DGKB: variants seen among roughly 807,000 people sequenced by gnomAD.
DGKB encodes diacylglycerol kinase beta.
Under a neutral mutation model 114.3 loss-of-function variants are expected in DGKB, and 67 were observed. The ratio of observed to expected loss-of-function variants is 0.59; its 90% CI spans 0.48 to 0.72. The LOEUF (loss-of-function observed/expected upper bound fraction) is 0.72, where lower values mean the gene tolerates loss of function less well. Among genes scored for constraint, DGKB ranks in the 30% least tolerant of loss-of-function variants. The pLI, the probability that DGKB is intolerant of heterozygous loss-of-function variation, is 0.00. For missense variants in DGKB, 907 were observed against 975.2 expected (o/e 0.93, Z 0.93); for synonymous variants, 398 against 323.1 (o/e 1.23, Z -2.49).
At chr7:14,214,522 G>C (rs991278915) in intron 23 of DGKB, among the ~76,000 whole-genome samples, 1 of 151,956 alleles carries the variant, frequency 6.6e-6, no homozygotes, top group East Asian at 1.9e-4. Context: ...ACTTATTTCT[G>C]GATAAGGGGA....
At chr7:14,740,014 C>T (rs1465110112) in intron 4 of DGKB, among the ~76,000 whole-genome samples, 1 of 152,214 alleles carries the variant, frequency 6.6e-6, no homozygotes, top group African/African-American at 2.4e-5. Flanking sequence ...AACAGCCATG[C>T]AGGGCGGGAC....
intron 20 of DGKB, among the ~76,000 whole-genome samples, chr7:14,563,519 C>T (rs941619970): frequency 1.3e-5 from 2 of 151,858 alleles, no homozygotes; most frequent in African/African-American, 4.8e-5. Flanking sequence ...CTATTTGGTA[C>T]CTTTTAATAT....
chr7:14,204,839 C>T (rs1786494956), intron 23 of DGKB, among the ~76,000 whole-genome samples: 1 of 151,986 alleles, frequency 6.6e-6, no homozygotes, highest in Admixed American at 6.6e-5. Context: ...AAATGTATTA[C>T]TATAAATTGT....
chr7:14,935,107 C>A (rs936990072), intron 1 of DGKB, among the ~76,000 whole-genome samples: 1 of 152,134 alleles, frequency 6.6e-6, no homozygotes, highest in Non-Finnish European at 1.5e-5. Context: ...GGGCCTGTCT[C>A]TTTATGTGTT....
At chr7:14,170,247 A>G (rs1379285206) in intron 25 of DGKB, among the ~76,000 whole-genome samples, 1 of 152,116 alleles carries the variant, frequency 6.6e-6, no homozygotes, top group Non-Finnish European at 1.5e-5. Context: ...GCAGCAAAGC[A>G]TCATAATTAA....
At chr7:14,619,857 C>T (rs1404981099) in intron 15 of DGKB, among the ~76,000 whole-genome samples, 1 of 151,554 alleles carries the variant, frequency 6.6e-6, no homozygotes. Context: ...CATCATAATG[C>T]TTAAGCTATC....
chr7:14,687,529 C>T (rs895861369), intron 9 of DGKB, among the ~76,000 whole-genome samples: 1 of 152,054 alleles, frequency 6.6e-6, no homozygotes, highest in African/African-American at 2.4e-5. Flanking sequence ...ATATATTTAA[C>T]TTTGCTATAT....
chr7:14,920,970 G>A (rs569443257), intron 1 of DGKB, among the ~76,000 whole-genome samples: 25 of 151,806 alleles, frequency 1.6e-4, no homozygotes, highest in African/African-American at 4.8e-4. Context: ...CCCACTCTAG[G>A]TTCAGGGACA....
rs1201049337 is a variant in DGKB, at chr7:14,177,940, G to T, written c.2243+91C>A. 6 of 1,328,770 alleles carry T rather than the reference G, an allele frequency of 4.5e-6. No individual in the cohort carries two copies. In the Admixed American group the frequency reaches 1.3e-4, roughly 30 times the overall value. 82.3% of individuals were successfully genotyped at this position (1,328,770 alleles called of 1,614,324 possible). On this transcript the variant is annotated intron_variant, in intron 24 of 25. Transcript: ENST00000402815. ...AACTGATTATTTGGAGCCCAAAGAA[G>T]ACAATGTTACTATCAGAGTTCTGCA...
rs1487685384 is a variant in DGKB, at chr7:14,146,355, T to C, written c.*2776A>G. 1 of 152,206 alleles carries C rather than the reference T, an allele frequency of 6.6e-6. No homozygotes were observed. The highest frequency in any genetic ancestry group is 1.5e-5 in the Non-Finnish European group (1 of 68,026). The allele number at this position is 152,206 out of a possible 1,614,324, so 9.4% of individuals were successfully genotyped here. A position where few individuals can be genotyped will look rare whatever the true frequency, so the allele number is the denominator to read the frequency against. ...GCAGAGTGCATGTCTCTTTTCCCTC[T>C]TTGTTTCTGACTGCTGTTAAGTCCA... On this transcript the variant is annotated 3_prime_UTR_variant, in exon 26 of 26. Coordinates refer to ENST00000402815, the MANE Select transcript of DGKB (RefSeq NM_001350709.2).
chr7:14,687,852 A>T (rs1237377159), intron 9 of DGKB, among the ~76,000 whole-genome samples: 1 of 152,236 alleles, frequency 6.6e-6, no homozygotes, highest in Non-Finnish European at 1.5e-5. Flanking sequence ...ATCAAAAAAT[A>T]AACAAGTCTG....
intron 2 of DGKB, among the ~76,000 whole-genome samples, chr7:14,819,148 T>C (rs935794142): frequency 5.3e-5 from 8 of 152,202 alleles, no homozygotes; most frequent in Non-Finnish European, 1.0e-4. Context: ...TTTTCCACTC[T>C]CTTCCATTCA....
intron 20 of DGKB, among the ~76,000 whole-genome samples, chr7:14,567,112 A>G (rs1797511907): frequency 8.6e-6 from 1 of 116,388 alleles, no homozygotes; most frequent in African/African-American, 3.3e-5. Flanking sequence ...ATGTTTATAT[A>G]TATTATATAA....
upstream of DGKB, among the ~76,000 whole-genome samples, chr7:14,906,254 T>A (rs1783698386): frequency 6.6e-6 from 1 of 151,890 alleles, no homozygotes; most frequent in Non-Finnish European, 1.5e-5. Flanking sequence ...GCTACACATT[T>A]ATGTGTGCTT....
intron 21 of DGKB, among the ~76,000 whole-genome samples, chr7:14,427,954 CTA>C (rs1767675311): frequency 1.3e-5 from 2 of 152,020 alleles, no homozygotes; most frequent in African/African-American, 4.8e-5. Flanking sequence ...ATATCTTTCT[CTA>C]TGTTTTAAAT....
intron 1 of DGKB, among the ~76,000 whole-genome samples, chr7:14,928,713 A>G (rs1784862404): frequency 6.6e-6 from 1 of 151,794 alleles, no homozygotes; most frequent in African/African-American, 2.4e-5. Flanking sequence ...CAAGTGCAAT[A>G]CTTTTTTACA....
chr7:14,530,479 T>A (rs60560776), intron 20 of DGKB, among the ~76,000 whole-genome samples: 26,395 of 151,444 alleles, frequency 0.17, 3,703 homozygotes, highest in East Asian at 0.54. Context: ...TGATTTCTTC[T>A]TAACTTATAT....
chr7:14,677,441 C>T (rs574950555), intron 12 of DGKB, among the ~76,000 whole-genome samples: 1 of 152,058 alleles, frequency 6.6e-6, no homozygotes, highest in Admixed American at 6.6e-5. Context: ...TTTACTGAAG[C>T]AGAAATGTTT....
intron 21 of DGKB, among the ~76,000 whole-genome samples, chr7:14,466,762 G>A (rs1780536088): frequency 6.6e-6 from 1 of 152,140 alleles, no homozygotes; most frequent in Non-Finnish European, 1.5e-5. Flanking sequence ...AGGTTGCAGT[G>A]AGCTGAGATC....
Sources: gnomAD v4.1 joint callset for allele counts (sites outside exome capture counted in the v4.1 genomes callset) on GRCh38, gnomAD v4.1.1 for gene constraint, MANE v1.5 for transcripts, NCBI Gene and HGNC (gene_info 2026-07-23, HGNC 2026-07-21) for gene names.